The following CACNB4 variants were observed in gnomAD, a reference collection of about 807,000 sequenced individuals.
CACNB4 encodes the protein calcium voltage-gated channel auxiliary subunit beta 4, also known as voltage-dependent L-type calcium channel subunit beta-4.
A neutral mutation model predicts 71.2 loss-of-function variants in CACNB4; 32 were observed. The ratio of observed to expected loss-of-function variants is 0.45; its 90% CI spans 0.34 to 0.60. The LOEUF (loss-of-function observed/expected upper bound fraction) is 0.60. Ranked by LOEUF, CACNB4 falls within the 20% of genes least tolerant of loss-of-function variation. The pLI is 0.01. For synonymous variants in CACNB4, 231 were observed against 236.9 expected (o/e 0.97, Z 0.23); for missense variants, 464 against 647.9 (o/e 0.72, Z 3.08).
intron 2 of CACNB4, among the ~76,000 whole-genome samples, chr2:152,033,667 G>A (rs1322184983): frequency 6.6e-6 from 1 of 151,930 alleles, no homozygotes; most frequent in African/African-American, 2.4e-5. Flanking sequence ...CAAACTTGGG[G>A]AAAAAAAATT....
intron 2 of CACNB4, among the ~76,000 whole-genome samples, chr2:151,945,875 TAAAAA>T (rs34099714): frequency 1.5e-5 from 2 of 135,114 alleles, no homozygotes; most frequent in African/African-American, 2.8e-5. Flanking sequence ...ACCCTGTCTT[TAAAAA>T]AAAAAAAAAA....
chr2:152,006,429 G>A (rs1296617542), intron 2 of CACNB4, among the ~76,000 whole-genome samples: 2 of 140,876 alleles, frequency 1.4e-5, no homozygotes, highest in African/African-American at 5.3e-5. Flanking sequence ...TTGAGATGGA[G>A]TCTCACTCTG....
chr2:151,854,574 CT>C (rs2151356563), intron 11 of CACNB4: 1 of 152,282 alleles, frequency 6.6e-6, no homozygotes, highest in East Asian at 1.9e-4. Context: ...TTCACGTTAA[CT>C]TTTTAAGAAC....
At chr2:152,068,522 T>C (rs1478963076) in intron 2 of CACNB4, among the ~76,000 whole-genome samples, 4 of 152,166 alleles carry the variant, frequency 2.6e-5, no homozygotes, top group Admixed American at 6.5e-5. Flanking sequence ...GACCAGGGGC[T>C]ACAAAATGCT....
At chr2:152,074,558 A>AC (rs1347427427) in intron 2 of CACNB4, among the ~76,000 whole-genome samples, 1 of 150,450 alleles carries the variant, frequency 6.6e-6, no homozygotes, top group Non-Finnish European at 1.5e-5. Flanking sequence ...CACAACCGTC[A>AC]CCACTGTCAC....
At chr2:152,010,658 G>T (rs1683002851) in intron 2 of CACNB4, among the ~76,000 whole-genome samples, 1 of 152,204 alleles carries the variant, frequency 6.6e-6, no homozygotes, top group Non-Finnish European at 1.5e-5. Context: ...GATAAACGGT[G>T]CATGGGTCAC....
intron 2 of CACNB4, among the ~76,000 whole-genome samples, chr2:151,978,973 C>T (rs1288099533): frequency 2.0e-5 from 3 of 152,086 alleles, no homozygotes; most frequent in Non-Finnish European, 2.9e-5. Flanking sequence ...CCCTCAGCCA[C>T]CCCACTGAAC....
intron 2 of CACNB4, among the ~76,000 whole-genome samples, chr2:152,052,805 C>T (rs991324291): frequency 6.6e-6 from 1 of 151,890 alleles, no homozygotes; most frequent in South Asian, 2.1e-4. Context: ...TAGTAAAACC[C>T]CATCTCTACT....
Position 151,860,829 on chromosome 2 carries a change from A to G in CACNB4, c.759-9T>C, listed in dbSNP as rs768577312. On this transcript the variant is annotated splice_polypyrimidine_tract_variant and intron_variant, in intron 9 of 13. Transcript: ENST00000539935. ...CTCTCGTTATTGAAATCCTATGAAT[A>G]GGAACACAGAACAGAACAAGCCAGT... The G allele has an allele frequency of 6.4e-7, 1 of 1,557,382 alleles. No homozygotes were observed. The highest frequency in any genetic ancestry group is 8.9e-7 in the Non-Finnish European group (1 of 1,128,490).
At chr2:151,928,657 C>T (rs1173560581) in intron 2 of CACNB4, among the ~76,000 whole-genome samples, 2 of 152,188 alleles carry the variant, frequency 1.3e-5, no homozygotes, top group East Asian at 3.9e-4. Context: ...GGTGCAGTGA[C>T]TCATGCTTGT....
At position 151,836,873 on chromosome 2, in the gene CACNB4, A is replaced by G. The variant is rs1448052997; in HGVS notation, c.*2246T>C. ...AAATGACCAAACTGCTAATGCTACT[A>G]CAGAAAAAGCTGAACAGCTGTCTAG... On this transcript the variant is annotated 3_prime_UTR_variant, in exon 14 of 14. Coordinates refer to ENST00000539935, the MANE Select transcript of CACNB4 (RefSeq NM_000726.5). 1 of 152,016 alleles carries G rather than the reference A, an allele frequency of 6.6e-6. No individual in the cohort carries two copies. The highest frequency in any genetic ancestry group is 1.5e-5 in the Non-Finnish European group (1 of 67,850). 9.4% of individuals were successfully genotyped at this position (152,016 alleles called of 1,614,324 possible). A position where few individuals can be genotyped will look rare whatever the true frequency, so the allele number is the denominator to read the frequency against.
At chr2:151,924,071 AT>A (rs2099859607) in intron 2 of CACNB4, among the ~76,000 whole-genome samples, 1 of 94,552 alleles carries the variant, frequency 1.1e-5, no homozygotes, top group Non-Finnish European at 2.7e-5. Context: ...CTATTCTGAA[AT>A]CTTTTTTTTT....
At chr2:151,878,148 G>A (rs889648705) in intron 4 of CACNB4, among the ~76,000 whole-genome samples, 1 of 151,818 alleles carries the variant, frequency 6.6e-6, no homozygotes, top group African/African-American at 2.4e-5. Context: ...ACAATGATAT[G>A]TAGTATATTT....
At chr2:152,060,636 T>C (rs2105330366) in intron 2 of CACNB4, among the ~76,000 whole-genome samples, 1 of 152,314 alleles carries the variant, frequency 6.6e-6, no homozygotes, top group Middle Eastern at 3.4e-3. Context: ...ACTCCAACTC[T>C]ATACATTTAT....
intron 2 of CACNB4, among the ~76,000 whole-genome samples, chr2:151,948,603 G>C (rs192987042): frequency 7.9e-5 from 12 of 152,112 alleles, no homozygotes; most frequent in African/African-American, 2.9e-4. Flanking sequence ...CCAGGCTGCA[G>C]TGAGCCAAGA....
chr2:152,087,214 A>C (rs977596689), intron 2 of CACNB4, among the ~76,000 whole-genome samples: 1 of 151,990 alleles, frequency 6.6e-6, no homozygotes, highest in East Asian at 1.9e-4. Flanking sequence ...CTGATCACCT[A>C]GGAATTCAAG....
chr2:151,979,840 A>G (rs985119876), intron 2 of CACNB4, among the ~76,000 whole-genome samples: 4 of 152,204 alleles, frequency 2.6e-5, no homozygotes, highest in African/African-American at 9.6e-5. Flanking sequence ...GATGAGAGCC[A>G]GAGAGTAATT....
At chr2:152,044,522 A>G (rs1019404652) in intron 2 of CACNB4, among the ~76,000 whole-genome samples, 1 of 152,232 alleles carries the variant, frequency 6.6e-6, no homozygotes, top group African/African-American at 2.4e-5. Flanking sequence ...CCGGCCTTAA[A>G]GCAAATTATT....
In CACNB4 at chr2:152,098,488, G is replaced by T; in HGVS notation, c.64-75C>A. On this transcript the variant is annotated intron_variant, in intron 1 of 13. Transcript: ENST00000539935. The surrounding 1 kb of genome is among the most constrained non-coding windows in gnomAD (Gnocchi z 5.3). ...CAGAGCGGGGCGACCACCCCCGGCT[G>T]GAGTCCGCCTCCGGACCCGCTCCCT... 7.0e-7 allele frequency: 1 copy of T among 1,434,674 alleles called. No individual in the cohort carries two copies. The highest frequency in any genetic ancestry group is 9.8e-7 in the Non-Finnish European group (1 of 1,018,220). 88.9% of individuals were successfully genotyped at this position (1,434,674 alleles called of 1,614,324 possible). A position where few individuals can be genotyped will look rare whatever the true frequency, so the allele number is the denominator to read the frequency against.
Sources: allele counts gnomAD v4.1 joint callset (sites outside exome capture counted in the v4.1 genomes callset), GRCh38; gene constraint gnomAD v4.1.1; non-coding constraint Gnocchi (gnomAD v3.1); transcripts MANE v1.5; gene names NCBI Gene and HGNC (gene_info 2026-07-23, HGNC 2026-07-21).